Variants in SYT2 observed in about 807,000 individuals in gnomAD.
SYT2 encodes synaptotagmin-2.
SYT2 carries 15 observed loss-of-function variants against 39.9 expected under a neutral mutation model. The ratio of observed to expected loss-of-function variants is 0.38; its 90% CI spans 0.25 to 0.58. The LOEUF (loss-of-function observed/expected upper bound fraction) is 0.58, where lower values mean the gene tolerates loss of function less well. SYT2 is among the 20% of genes least tolerant of loss of function. SYT2 has a pLI of 0.70. For missense variants in SYT2, 389 were observed against 530.3 expected (o/e 0.73, Z 2.62); for synonymous variants, 181 against 204.5 (o/e 0.89, Z 0.98).
intron 1 of SYT2, among the ~76,000 whole-genome samples, chr1:202,676,853 C>A (rs1246512702): frequency 6.6e-6 from 1 of 152,196 alleles, no homozygotes; most frequent in Non-Finnish European, 1.5e-5. Context: ...TGTCCCCACC[C>A]AAATCTCATG....
intron 1 of SYT2, among the ~76,000 whole-genome samples, chr1:202,690,053 G>T (rs900101393): frequency 2.6e-5 from 4 of 152,026 alleles, no homozygotes; most frequent in Non-Finnish European, 5.9e-5. Flanking sequence ...ATTCATCTCT[G>T]TCAGGGCCAG....
intron 1 of SYT2, among the ~76,000 whole-genome samples, chr1:202,607,007 C>T (rs1015173156): frequency 1.3e-5 from 2 of 151,924 alleles, no homozygotes; most frequent in Non-Finnish European, 2.9e-5. Flanking sequence ...TTTTTTTAGC[C>T]ATTCCACTGG....
At chr1:202,604,295 G>A in intron 3 of SYT2, 160 bp downstream of exon 3, 1 of 703,096 alleles carries the variant, frequency 1.4e-6, no homozygotes, top group South Asian at 1.9e-5. Flanking sequence ...GGGGCCTCCA[G>A]GTAGACGGTG....
Position 202,675,587 on chromosome 1 carries a change from T to C in SYT2, c.-18+34671A>G, listed in dbSNP as rs910021395. Reference sequence around the variant, plus strand: ...TCTGTTTCTAACCCACATGTGGATATGTGCACTTGCAAATGTTATCACTAG... The same window carrying C: ...TCTGTTTCTAACCCACATGTGGATACGTGCACTTGCAAATGTTATCACTAG... On this transcript the variant is annotated intron_variant, in intron 1 of 8. Transcript: ENST00000367268. Among the ~76,000 whole-genome samples, 10 of 152,124 alleles carry C rather than the reference T, an allele frequency of 6.6e-5. 1 individual carries two copies. The South Asian group carries it at 2.1e-3, about 31-fold the overall frequency.
At chr1:202,636,108 G>A (rs1211090251) in intron 1 of SYT2, among the ~76,000 whole-genome samples, 1 of 152,110 alleles carries the variant, frequency 6.6e-6, no homozygotes, top group Non-Finnish European at 1.5e-5. Flanking sequence ...CAGCTTGAAG[G>A]AGAGGTTCTC....
chr1:202,632,822 C>G (rs1201718407), intron 1 of SYT2: 1 of 152,336 alleles, frequency 6.6e-6, no homozygotes, highest in Non-Finnish European at 1.5e-5. Flanking sequence ...TCCACTGTTA[C>G]CTACCAGCTT....
intron 1 of SYT2, among the ~76,000 whole-genome samples, chr1:202,615,366 C>T (rs1417950850): frequency 6.6e-6 from 1 of 152,136 alleles, no homozygotes; most frequent in East Asian, 1.9e-4. Context: ...CAGTACATGG[C>T]ACCAGGTGCT....
At chr1:202,603,439 G>C (rs1041250540) in intron 3 of SYT2, among the ~76,000 whole-genome samples, 4 of 152,178 alleles carry the variant, frequency 2.6e-5, no homozygotes, top group African/African-American at 4.8e-5. Flanking sequence ...GGGCTGGTGT[G>C]GGGGTAGGAT....
chr1:202,639,694 C>T (rs1691846528), intron 1 of SYT2: 1 of 985,380 alleles, frequency 1.0e-6, no homozygotes, highest in African/African-American at 1.7e-5. Flanking sequence ...TTCTCTCAGA[C>T]TCATGCTGCT....
At chr1:202,631,103 A>G (rs1397765981) in intron 1 of SYT2, among the ~76,000 whole-genome samples, 1 of 152,238 alleles carries the variant, frequency 6.6e-6, no homozygotes, top group East Asian at 1.9e-4. Context: ...ACTTGTCCAA[A>G]GTGGCAGAGT....
intron 1 of SYT2, among the ~76,000 whole-genome samples, chr1:202,620,405 T>C (rs1691171496): frequency 6.6e-6 from 1 of 152,040 alleles, no homozygotes; most frequent in South Asian, 2.1e-4. Flanking sequence ...ACACTTGGCC[T>C]GGGGTGAGTT....
intron 1 of SYT2, among the ~76,000 whole-genome samples, chr1:202,685,702 A>G (rs1011696015): frequency 4.6e-5 from 7 of 152,240 alleles, no homozygotes; most frequent in African/African-American, 1.7e-4. Flanking sequence ...GCTGGGTTGC[A>G]AACTACACCG....
At chr1:202,648,669 A>G (rs771211492) in intron 1 of SYT2, among the ~76,000 whole-genome samples, 1 of 152,222 alleles carries the variant, frequency 6.6e-6, no homozygotes, top group Non-Finnish European at 1.5e-5. Context: ...ATGGATTTGC[A>G]TCCACTGGGC....
chr1:202,679,129 G>A (rs187772526), intron 1 of SYT2, among the ~76,000 whole-genome samples: 135 of 152,146 alleles, frequency 8.9e-4, no homozygotes, highest in Admixed American at 5.4e-3. Context: ...CCTTCCCTCC[G>A]CTCAGCTTCT....
At chr1:202,696,511 T>A (rs899567896) in intron 1 of SYT2, among the ~76,000 whole-genome samples, 2 of 152,254 alleles carry the variant, frequency 1.3e-5, no homozygotes, top group African/African-American at 4.8e-5. Context: ...AACAATCGCA[T>A]GATTATTTTA....
chr1:202,618,841 C>A (rs1251018931), intron 1 of SYT2, among the ~76,000 whole-genome samples: 1 of 152,130 alleles, frequency 6.6e-6, no homozygotes, highest in Non-Finnish European at 1.5e-5. Context: ...TCTGATGTGA[C>A]CCCCTGTCAC....
chr1:202,709,508 A>T (rs1048730352), intron 1 of SYT2, among the ~76,000 whole-genome samples: 1 of 152,200 alleles, frequency 6.6e-6, no homozygotes, highest in African/African-American at 2.4e-5. Flanking sequence ...CAAATGGGAA[A>T]GGTACATGGA....
At position 202,605,834 on chromosome 1, in the gene SYT2, G is replaced by A. The variant is rs146222782; in HGVS notation, c.-17-45C>T. ...AGGGCAGGGTGAGCATCCAGAGGTC[G>A]TCTTACCCTGAGAAAGCCCTGCCCA... is the stretch of plus-strand genomic sequence containing the variant. On this transcript the variant is annotated intron_variant, in intron 1 of 8. Transcript: ENST00000367268. The A allele has an allele frequency of 1.2e-3, 1,753 of 1,483,672 alleles. 21 individuals carry two copies. The highest frequency in any genetic ancestry group is 1.5e-3 in the East Asian group (66 of 43,430). The allele number at this position is 1,483,672 out of a possible 1,614,324, so 91.9% of individuals were successfully genotyped here.
At position 202,617,936 on chromosome 1, in the gene SYT2, G is replaced by A. The variant is rs141364794; in HGVS notation, c.-17-12147C>T. ...GTTGTTGTTGTTGAGATGGAGTCTC[G>A]CTGTCTGCCAGGCTGGAGTGCAGTG... On this transcript the variant is annotated intron_variant, in intron 1 of 8. Coordinates refer to ENST00000367268, the MANE Select transcript of SYT2 (RefSeq NM_177402.5). Among the ~76,000 whole-genome samples the A allele has an allele frequency of 7.0e-3, 1,059 of 152,130 alleles. 7 individuals are homozygous for A. The highest frequency in any genetic ancestry group is 0.023 in the African/African-American group (943 of 41,476).
Sources: gnomAD v4.1 joint callset for allele counts (sites outside exome capture counted in the v4.1 genomes callset) on GRCh38, gnomAD v4.1.1 for gene constraint, MANE v1.5 for transcripts, NCBI Gene and HGNC (gene_info 2026-07-23, HGNC 2026-07-21) for gene names.